The following CPA6 variants were observed in gnomAD, a reference collection of about 807,000 sequenced individuals.
The protein encoded by CPA6 is carboxypeptidase A6.
In CPA6, 58 loss-of-function variants were observed where a neutral mutation model predicts 63.3. That is an observed-to-expected ratio of 0.92 (90% CI 0.74 to 1.14). The LOEUF (loss-of-function observed/expected upper bound fraction) is 1.14. Ranked by LOEUF, CPA6 falls within the 50% of genes most tolerant of loss-of-function variation. The probability of loss-of-function intolerance (pLI) is 0.00; values close to 1 mark genes in which losing one functional copy is unlikely to be tolerated. For synonymous variants in CPA6, 185 were observed against 179.0 expected (o/e 1.03, Z -0.27); for missense variants, 565 against 526.6 (o/e 1.07, Z -0.71).
chr8:67,683,089 G>A (rs935217984), intron 1 of CPA6, among the ~76,000 whole-genome samples: 4 of 152,226 alleles, frequency 2.6e-5, no homozygotes, highest in Non-Finnish European at 5.9e-5. Context: ...CCGGTCTGCT[G>A]CTTCCTGGAC....
At position 67,678,549 on chromosome 8, in the gene CPA6, A is replaced by T. The variant is rs564571406; in HGVS notation, c.117-54298T>A. Among the ~76,000 whole-genome samples the T allele has an allele frequency of 2.0e-5, 3 of 152,332 alleles. No homozygotes were observed. In the South Asian group the frequency reaches 6.2e-4, roughly 32 times the overall value. Reference sequence around the variant, plus strand: ...GGCACAATGTCATTAGCTATCAGAGATATGCAAATTAATACTCAATGCAAC... The same window carrying T: ...GGCACAATGTCATTAGCTATCAGAGTTATGCAAATTAATACTCAATGCAAC... On this transcript the variant is annotated intron_variant, in intron 1 of 10. Transcript: ENST00000297770.
intron 8 of CPA6, among the ~76,000 whole-genome samples, chr8:67,478,823 G>A (rs149095474): frequency 4.9e-4 from 75 of 152,264 alleles, no homozygotes; most frequent in African/African-American, 1.8e-3. Context: ...GATCACTTGA[G>A]CTTAGGAGTT....
At chr8:67,703,925 CT>C (rs369528450) in intron 1 of CPA6, among the ~76,000 whole-genome samples, 58 of 148,658 alleles carry the variant, frequency 3.9e-4, no homozygotes, top group African/African-American at 1.1e-3. Flanking sequence ...TTACATGCTG[CT>C]TTTTTTTTGT....
intron 8 of CPA6, among the ~76,000 whole-genome samples, chr8:67,475,755 TTTTCTTTCTTTCTC>T (rs1563967145): frequency 2.1e-5 from 3 of 144,386 alleles, no homozygotes; most frequent in Admixed American, 7.1e-5. Flanking sequence ...TTCTTTCTTT[TTTTCTTTCTTTCTC>T]TTTCTTTCTT....
chr8:67,664,173 C>T (rs1439584764), intron 1 of CPA6, among the ~76,000 whole-genome samples: 3 of 152,134 alleles, frequency 2.0e-5, no homozygotes, highest in Non-Finnish European at 2.9e-5. Context: ...TCTCTTCAAG[C>T]GACCAGCAGA....
intron 8 of CPA6, among the ~76,000 whole-genome samples, chr8:67,459,357 G>A (rs1018860471): frequency 6.6e-6 from 1 of 152,124 alleles, no homozygotes; most frequent in Non-Finnish European, 1.5e-5. Flanking sequence ...AAATTTGGAA[G>A]CAACCAAGAT....
intron 3 of CPA6, among the ~76,000 whole-genome samples, chr8:67,517,076 G>T (rs775748650): frequency 4.0e-5 from 6 of 151,802 alleles, no homozygotes; most frequent in Non-Finnish European, 8.8e-5. Context: ...GATTCCAGGC[G>T]TGAGCCACCG....
rs73683168 is a variant in CPA6, at chr8:67,687,585, A to G, written c.116+58429T>C. Reference sequence around the variant, plus strand: ...GTTGGTTGTATGAATTAAATATAGAAACATGGAATATACTTAGTGCTGTGC... The same window carrying G: ...GTTGGTTGTATGAATTAAATATAGAGACATGGAATATACTTAGTGCTGTGC... On this transcript the variant is annotated intron_variant, in intron 1 of 10. Coordinates refer to ENST00000297770, the MANE Select transcript of CPA6 (RefSeq NM_020361.5). Among the ~76,000 whole-genome samples, 1,087 of 152,200 alleles carry G rather than the reference A, an allele frequency of 7.1e-3. 18 individuals carry two copies. The highest frequency in any genetic ancestry group is 0.025 in the African/African-American group (1,028 of 41,508).
At chr8:67,446,568 G>A (rs1460122558) in intron 8 of CPA6, among the ~76,000 whole-genome samples, 1 of 152,104 alleles carries the variant, frequency 6.6e-6, no homozygotes, top group Non-Finnish European at 1.5e-5. Flanking sequence ...CAGAAAAGCA[G>A]CAGAAATATT....
chr8:67,526,561 G>C (rs140472380), intron 2 of CPA6, among the ~76,000 whole-genome samples: 16 of 152,244 alleles, frequency 1.1e-4, no homozygotes, highest in African/African-American at 3.9e-4. Context: ...TTAATGCCAG[G>C]CTGGCTCTTC....
At position 67,637,642 on chromosome 8, in the gene CPA6, T is replaced by C. The variant is rs116756674; in HGVS notation, c.117-13391A>G. On this transcript the variant is annotated intron_variant, in intron 1 of 10. Coordinates refer to ENST00000297770, the MANE Select transcript of CPA6 (RefSeq NM_020361.5). ...AGGAGTTACAAAGCATAGGGGAAAA[T>C]TTTTCAAAGATGTATAATCTAGTTA... is the stretch of plus-strand genomic sequence containing the variant. Among the ~76,000 whole-genome samples, 639 of 151,448 alleles carry C rather than the reference T, an allele frequency of 4.2e-3. 24 individuals carry two copies. Among genetic ancestry groups the C allele is most frequent in the Middle Eastern group, 0.02 (6 of 294 alleles).
At chr8:67,728,372 G>C (rs1169630592) in intron 1 of CPA6, among the ~76,000 whole-genome samples, 1 of 151,692 alleles carries the variant, frequency 6.6e-6, no homozygotes, top group African/African-American at 2.4e-5. Flanking sequence ...TTCAGCATTT[G>C]CCAACCTTCA....
At chr8:67,594,818 G>A (rs55651214) in intron 2 of CPA6, among the ~76,000 whole-genome samples, 2,378 of 152,124 alleles carry the variant, frequency 0.016, 62 homozygotes, top group African/African-American at 0.053. Flanking sequence ...CTTTGCCTTT[G>A]GTTTGAATTT....
intron 8 of CPA6, among the ~76,000 whole-genome samples, chr8:67,458,083 C>T (rs1456712722): frequency 1.3e-5 from 2 of 152,166 alleles, no homozygotes; most frequent in African/African-American, 4.8e-5. Context: ...AGAGCCTACA[C>T]CCTTCGCAAA....
chr8:67,437,612 G>C (rs1810190969), intron 8 of CPA6, among the ~76,000 whole-genome samples: 1 of 152,106 alleles, frequency 6.6e-6, no homozygotes, highest in Non-Finnish European at 1.5e-5. Flanking sequence ...ATGTAGGAGG[G>C]CACTGGAAAC....
chr8:67,571,957 A>G (rs952675687), intron 2 of CPA6, among the ~76,000 whole-genome samples: 1 of 152,164 alleles, frequency 6.6e-6, no homozygotes, highest in Non-Finnish European at 1.5e-5. Flanking sequence ...AAGAAAAAAG[A>G]AAAAAGACTA....
chr8:67,428,475 A>G (rs2128951383), intron 9 of CPA6, among the ~76,000 whole-genome samples: 1 of 152,180 alleles, frequency 6.6e-6, no homozygotes, highest in African/African-American at 2.4e-5. Flanking sequence ...ACTTTAGTTC[A>G]AGGCAACAAT....
chr8:67,728,629 A>C (rs79201662), intron 1 of CPA6, among the ~76,000 whole-genome samples: 4,835 of 152,320 alleles, frequency 0.032, 240 homozygotes, highest in African/African-American at 0.11. Flanking sequence ...TTTAGAAATG[A>C]AACTGTAGAG....
At chr8:67,685,682 A>G (rs1332964742) in intron 1 of CPA6, among the ~76,000 whole-genome samples, 1 of 152,218 alleles carries the variant, frequency 6.6e-6, no homozygotes, top group Non-Finnish European at 1.5e-5. Flanking sequence ...ATAACAGCTC[A>G]TCGTGCCTGT....
Sources: allele counts gnomAD v4.1 joint callset (sites outside exome capture counted in the v4.1 genomes callset), GRCh38; gene constraint gnomAD v4.1.1; transcripts MANE v1.5; gene names NCBI Gene and HGNC (gene_info 2026-07-23, HGNC 2026-07-21).